SLC16A7: variants seen among roughly 807,000 people sequenced by gnomAD.
SLC16A7 encodes the protein monocarboxylate transporter 2.
SLC16A7 carries 33 observed loss-of-function variants against 34.9 expected under a neutral mutation model. The ratio of observed to expected loss-of-function variants is 0.94; its 90% confidence interval spans 0.72 to 1.26. The LOEUF (loss-of-function observed/expected upper bound fraction) is 1.26. Among genes scored for constraint, SLC16A7 ranks in the 50% most tolerant of loss-of-function variants. The pLI, the probability that SLC16A7 is intolerant of heterozygous loss-of-function variation, is 0.00. For missense variants in SLC16A7, 573 were observed against 578.1 expected, an observed-to-expected ratio of 0.99 and a Z score of 0.09; for synonymous variants, 201 against 206.6, an observed-to-expected ratio of 0.97 and a Z score of 0.23.
intron 3 of SLC16A7, among the ~76,000 whole-genome samples, chr12:59,728,435 G>A (rs772761960): frequency 7.2e-5 from 11 of 152,180 alleles, no homozygotes; most frequent in Non-Finnish European, 1.3e-4. Flanking sequence ...GATGGCAAAT[G>A]ATCAATATGA....
chr12:59,735,567 C>T lies in SLC16A7; in HGVS notation c.217+30549C>T, dbSNP rs888142886. Among the ~76,000 whole-genome samples, 4 of 152,034 alleles carry T rather than the reference C, an allele frequency of 2.6e-5. No individual in the cohort carries two copies. In the East Asian group the frequency reaches 5.8e-4, roughly 22 times the overall value. ...GTCAGATGAGAAAATATGACTATTT[C>T]AAAAGGAAAATAAACCCAGTCCTAA... On this transcript the variant is annotated intron_variant, in intron 3 of 5. Transcript: ENST00000547379.
chr12:59,704,657 T>C, intron 2 of SLC16A7, 115 bp from the exon 3 acceptor site: 1 of 610,526 alleles, frequency 1.6e-6, no homozygotes, highest in Non-Finnish European at 2.9e-6. Flanking sequence ...GTGAAAAATA[T>C]TCATGAAAAA....
chr12:59,740,583 G>A, intron 3 of SLC16A7, among the ~76,000 whole-genome samples: 1 of 152,112 alleles, frequency 6.6e-6, no homozygotes, highest in Non-Finnish European at 1.5e-5. Flanking sequence ...AGCTATCTAT[G>A]ACAAACCCAC....
chr12:59,711,365 A>G (rs1874208772), intron 3 of SLC16A7, among the ~76,000 whole-genome samples: 1 of 152,200 alleles, frequency 6.6e-6, no homozygotes, highest in Non-Finnish European at 1.5e-5. Context: ...ACTCATGGGG[A>G]ATTTTGCATG....
chr12:59,762,705 G>A (rs1376614747), intron 3 of SLC16A7, among the ~76,000 whole-genome samples: 1 of 151,898 alleles, frequency 6.6e-6, no homozygotes, highest in Non-Finnish European at 1.5e-5. Flanking sequence ...CTGCTTGGGA[G>A]GCTGAGGTGG....
chr12:59,611,945 A>G (rs56336660), intron 1 of SLC16A7, among the ~76,000 whole-genome samples: 9,407 of 152,270 alleles, frequency 0.062, 940 homozygotes, highest in African/African-American at 0.21. Flanking sequence ...CTCCTGTCAC[A>G]GGTGCTTTCA....
intron 3 of SLC16A7, among the ~76,000 whole-genome samples, chr12:59,770,904 T>A (rs939060998): frequency 6.6e-6 from 1 of 152,204 alleles, no homozygotes; most frequent in Non-Finnish European, 1.5e-5. Flanking sequence ...TCTTTTAAGA[T>A]GTTTTGGATA....
At chr12:59,725,569 TTTAAATGAC>T (rs1264480140) in intron 3 of SLC16A7, among the ~76,000 whole-genome samples, 1 of 152,182 alleles carries the variant, frequency 6.6e-6, no homozygotes. Flanking sequence ...TTTTATAGAT[TTTAAATGAC>T]TTCTTTACTG....
intron 3 of SLC16A7, among the ~76,000 whole-genome samples, chr12:59,727,373 G>A (rs570338541): frequency 1.3e-5 from 2 of 152,074 alleles, no homozygotes; most frequent in African/African-American, 2.4e-5. Flanking sequence ...CAAATTACTA[G>A]AAAATTATTT....
chr12:59,705,011 C>T lies in SLC16A7; in HGVS notation c.210C>T (p.Tyr70=), dbSNP rs141970794. 109 of 1,601,968 alleles carry T rather than the reference C, an allele frequency of 6.8e-5. No homozygotes were observed. Among genetic ancestry groups the T allele is most frequent in the African/African-American group, 4.0e-4 (30 of 74,710 alleles). The change falls in exon 3 of 6, where the codon TAC becomes TAT. Residue 70 remains tyrosine, a synonymous_variant. Transcript: ENST00000547379. ...CATCCATTATGCTGGCTGTTATGTA[C>T]GCAGGAGGTAAGCTTCTTGCAATAA... ...WISSIMLAVM[Y]AGGPVSSVLV...
intron 1 of SLC16A7, among the ~76,000 whole-genome samples, chr12:59,612,477 G>A (rs190667746): frequency 4.6e-5 from 7 of 152,182 alleles, no homozygotes; most frequent in East Asian, 1.9e-4. Flanking sequence ...GAGGGGCAGC[G>A]ATGAAAGTCT....
chr12:59,613,696 G>C (rs771421759), intron 1 of SLC16A7, among the ~76,000 whole-genome samples: 5 of 152,136 alleles, frequency 3.3e-5, no homozygotes, highest in Admixed American at 6.5e-5. Context: ...TTATAGGAGA[G>C]AGATGATGAA....
intron 1 of SLC16A7, chr12:59,597,086 TCCAC>T (rs1878446944): frequency 6.6e-6 from 1 of 152,246 alleles, no homozygotes. Flanking sequence ...GGCGCCCTTC[TCCAC>T]CCCCTTTTCT....
intron 3 of SLC16A7, among the ~76,000 whole-genome samples, chr12:59,730,789 T>C (rs1876859536): frequency 6.6e-6 from 1 of 152,218 alleles, no homozygotes; most frequent in Non-Finnish European, 1.5e-5. Flanking sequence ...AGTACTATTT[T>C]CCTCCACTAA....
At chr12:59,766,843 C>T (rs1313419531) in intron 3 of SLC16A7, among the ~76,000 whole-genome samples, 3 of 152,202 alleles carry the variant, frequency 2.0e-5, no homozygotes, top group East Asian at 3.9e-4. Flanking sequence ...ATGCTGGCCT[C>T]ATAAAATGAG....
At chr12:59,651,088 C>T (rs1592436108) in intron 1 of SLC16A7, among the ~76,000 whole-genome samples, 1 of 152,152 alleles carries the variant, frequency 6.6e-6, no homozygotes, top group African/African-American at 2.4e-5. Flanking sequence ...CCAAGACAAG[C>T]TCGGTACAAT....
chr12:59,622,089 G>T (rs2136981926), intron 1 of SLC16A7, among the ~76,000 whole-genome samples: 1 of 151,952 alleles, frequency 6.6e-6, no homozygotes, highest in Non-Finnish European at 1.5e-5. Flanking sequence ...GTATTCTGCT[G>T]TGTGCTCAAA....
At chr12:59,771,094 G>T in intron 3 of SLC16A7, 125 bp from the exon 4 acceptor site, 1 of 819,772 alleles carries the variant, frequency 1.2e-6, no homozygotes, top group Non-Finnish European at 1.9e-6. Context: ...TGTTTCATGT[G>T]AACTAGTATT....
intron 3 of SLC16A7, among the ~76,000 whole-genome samples, chr12:59,708,658 T>C (rs1873861841): frequency 6.6e-6 from 1 of 152,064 alleles, no homozygotes; most frequent in Non-Finnish European, 1.5e-5. Flanking sequence ...GGCTTAGCAG[T>C]CAACCTATTA....
Sources: gnomAD v4.1 joint callset for allele counts (sites outside exome capture counted in the v4.1 genomes callset) on GRCh38, gnomAD v4.1.1 for gene constraint, MANE v1.5 for transcripts, NCBI Gene and HGNC (gene_info 2026-07-23, HGNC 2026-07-21) for gene names.